DOCK8: variants seen among roughly 807,000 people sequenced by gnomAD.
DOCK8 encodes dedicator of cytokinesis 8, also known as dedicator of cytokinesis protein 8.
In DOCK8, 141 loss-of-function variants were observed where a neutral mutation model predicts 245.6. That is an observed-to-expected ratio of 0.57 (90% confidence interval 0.50 to 0.66). The LOEUF is 0.66. Among genes scored for constraint, DOCK8 ranks in the 30% least tolerant of loss-of-function variants. The pLI is 0.00. For missense variants in DOCK8, 2,965 were observed against 2,603.4 expected (o/e 1.14, Z -3.02); for synonymous variants, 1,168 against 970.2 (o/e 1.20, Z -3.79).
chr9:274,691 T>A (rs1348642864), intron 2 of DOCK8, among the ~76,000 whole-genome samples: 1 of 152,126 alleles, frequency 6.6e-6, no homozygotes, highest in African/African-American at 2.4e-5. Context: ...CATGGAAAGA[T>A]AATGGAACAT....
chr9:345,851 G>T (rs1284861423), intron 14 of DOCK8, among the ~76,000 whole-genome samples: 1 of 152,168 alleles, frequency 6.6e-6, no homozygotes, highest in East Asian at 1.9e-4. Flanking sequence ...TTAAGGAACA[G>T]CTGTAGATGA....
chr9:254,375 C>T (rs112614249), intron 1 of DOCK8, among the ~76,000 whole-genome samples: 64 of 152,278 alleles, frequency 4.2e-4, no homozygotes, highest in African/African-American at 1.4e-3. Context: ...TGTCTGGCTT[C>T]GCTGAGTGTG....
chr9:400,289 C>CCAT lies in DOCK8; in HGVS notation c.3234+1032_3234+1033insTCA, dbSNP rs1391899691. Reference sequence around the variant, plus strand: ...TCCACCATCACCACCACTTCCTTCACCACCACCACCATCTTCACCGTCACC... The same window carrying CCAT: ...TCCACCATCACCACCACTTCCTTCACCATCACCACCACCATCTTCACCGTCACC... On this transcript the variant is annotated intron_variant, in intron 26 of 47. Coordinates refer to ENST00000432829, the MANE Select transcript of DOCK8 (RefSeq NM_203447.4). 8.5e-3 allele frequency among the ~76,000 whole-genome samples: 588 copies of CCAT among 69,500 alleles called. 69 individuals are homozygous for CCAT. Among genetic ancestry groups the CCAT allele is most frequent in the Non-Finnish European group, 0.01 (401 of 38,378 alleles). 45.6% of individuals were successfully genotyped at this position (69,500 alleles called of 152,430 possible).
chr9:439,604 G>A (rs111728226), intron 40 of DOCK8, among the ~76,000 whole-genome samples: 71 of 152,296 alleles, frequency 4.7e-4, no homozygotes, highest in African/African-American at 1.5e-3. Flanking sequence ...TCACAGTGCC[G>A]ATCTGAGCTT....
In DOCK8 at chr9:348,072, A is replaced by G. The variant is rs2130992198; in HGVS notation, c.1679+7751A>G. On this transcript the variant is annotated intron_variant, in intron 14 of 47. Coordinates refer to ENST00000432829, the MANE Select transcript of DOCK8 (RefSeq NM_203447.4). ...GATCACTGTTGTCATTTTTTCGCAA[A>G]GGATTTTATTCTAGCCTGTCAGTTT... 1.3e-5 allele frequency among the ~76,000 whole-genome samples: 2 copies of G among 152,242 alleles called. 1 individual carries two copies. The highest frequency in any genetic ancestry group is 4.1e-4 in the South Asian group (2 of 4,824).
chr9:286,112 G>T (rs1298483142), intron 2 of DOCK8, among the ~76,000 whole-genome samples: 1 of 152,148 alleles, frequency 6.6e-6, no homozygotes, highest in African/African-American at 2.4e-5. Context: ...ACAAAACATG[G>T]CCTCGGAGAG....
intron 14 of DOCK8, among the ~76,000 whole-genome samples, chr9:341,126 G>T (rs999084125): frequency 3.9e-5 from 6 of 152,208 alleles, no homozygotes; most frequent in Non-Finnish European, 7.3e-5. Context: ...CTAATCACAT[G>T]TAGCTGTTCA....
intron 46 of DOCK8, among the ~76,000 whole-genome samples, chr9:455,288 G>C (rs983139933): frequency 6.6e-6 from 1 of 152,144 alleles, no homozygotes. Context: ...GAGCCCAGGA[G>C]TTCAGGACCA....
At chr9:450,507 G>C (rs2057393342) in intron 45 of DOCK8, among the ~76,000 whole-genome samples, 1 of 152,162 alleles carries the variant, frequency 6.6e-6, no homozygotes, top group South Asian at 2.1e-4. Flanking sequence ...AGCAGTCTCA[G>C]ATGAAGGGAG....
At chr9:266,588 C>T (rs1471696759) in intron 1 of DOCK8, among the ~76,000 whole-genome samples, 3 of 152,124 alleles carry the variant, frequency 2.0e-5, no homozygotes, top group Non-Finnish European at 4.4e-5. Context: ...AATGATCCAG[C>T]AGCCACACTT....
intron 46 of DOCK8, chr9:452,585 C>T (rs1330688411): frequency 1.9e-5 from 3 of 154,188 alleles, no homozygotes; most frequent in African/African-American, 7.2e-5. Flanking sequence ...GTCCACATGT[C>T]CATCAATGTG....
intron 26 of DOCK8, among the ~76,000 whole-genome samples, chr9:399,731 C>G (rs192765123): frequency 6.6e-6 from 1 of 152,028 alleles, no homozygotes; most frequent in Non-Finnish European, 1.5e-5. Flanking sequence ...TCACTGAGCA[C>G]ATAGCAAATA....
At chr9:246,836 G>A (rs1036263127) in intron 1 of DOCK8, among the ~76,000 whole-genome samples, 1 of 151,966 alleles carries the variant, frequency 6.6e-6, no homozygotes, top group African/African-American at 2.4e-5. Flanking sequence ...GGCTGGCCTA[G>A]AATTCCCGGG....
At chr9:233,347 GT>G (rs1409500374) in intron 1 of DOCK8, among the ~76,000 whole-genome samples, 2 of 152,194 alleles carry the variant, frequency 1.3e-5, no homozygotes, top group African/African-American at 4.8e-5. Context: ...TAGGTGTGGT[GT>G]GGTGCTGAAA....
rs141109479 is a variant in DOCK8 at position 316,561 on chromosome 9, G to C, written c.742-482G>C. ...TCTGTTTAAGAAAACAGTGAACTGA[G>C]AAAGTGACTCTGTATTATAGGATCA... On this transcript the variant is annotated intron_variant, in intron 6 of 47. Coordinates refer to ENST00000432829, the MANE Select transcript of DOCK8 (RefSeq NM_203447.4). Among the ~76,000 whole-genome samples the C allele has an allele frequency of 5.3e-4, 81 of 152,284 alleles. No homozygotes were observed. The East Asian group carries it at 0.014, about 27-fold the overall frequency.
At chr9:375,590 C>CG (rs2053481413) in intron 18 of DOCK8, among the ~76,000 whole-genome samples, 1 of 152,184 alleles carries the variant, frequency 6.6e-6, no homozygotes, top group Admixed American at 6.5e-5. Context: ...AATCCAGAAT[C>CG]ATCAATGCTG....
At chr9:323,323 A>G (rs1400555129) in intron 7 of DOCK8, among the ~76,000 whole-genome samples, 6 of 146,900 alleles carry the variant, frequency 4.1e-5, no homozygotes, top group African/African-American at 1.3e-4. Flanking sequence ...TCCCAGGTTC[A>G]AGTGATTCTC....
chr9:397,350 CAAAAA>C (rs36020302), intron 25 of DOCK8, among the ~76,000 whole-genome samples: 3 of 87,546 alleles, frequency 3.4e-5, no homozygotes, highest in Non-Finnish European at 4.4e-5. Flanking sequence ...GACTCTGTCT[CAAAAA>C]AAAAAAAAAA....
At chr9:368,342 G>A in intron 15 of DOCK8, 1 of 724,272 alleles carries the variant, frequency 1.4e-6, no homozygotes, top group South Asian at 1.5e-5. Context: ...TTATTCTGTA[G>A]TGAGCTTGGA....
Sources: allele counts gnomAD v4.1 joint callset (sites outside exome capture counted in the v4.1 genomes callset), GRCh38; gene constraint gnomAD v4.1.1; transcripts MANE v1.5; gene names NCBI Gene and HGNC (gene_info 2026-07-23, HGNC 2026-07-21).